Variants in PM20D2 observed in about 807,000 individuals in gnomAD.
The protein encoded by PM20D2 is peptidase M20 domain containing 2.
In PM20D2, 33 loss-of-function variants were observed where a neutral mutation model predicts 42.9. The ratio of observed to expected loss-of-function variants is 0.77; its 90% CI spans 0.58 to 1.03. PM20D2 has a LOEUF of 1.03. PM20D2 is among the 50% of genes least tolerant of loss of function. PM20D2 has a pLI of 0.00. For synonymous variants in PM20D2, 250 were observed against 228.2 expected, an observed-to-expected ratio of 1.10 and a Z score of -0.86; for missense variants, 548 against 557.0, an observed-to-expected ratio of 0.98 and a Z score of 0.16.
the PM20D2 span, among the ~76,000 whole-genome samples, chr6:89,124,032 G>T: frequency 1.1e-3 from 175 of 152,278 alleles, no homozygotes; most frequent in African/African-American, 3.5e-3. Flanking sequence ...GCAAGATCAT[G>T]TCTCAAAATA....
intron 3 of PM20D2, among the ~76,000 whole-genome samples, chr6:89,154,366 G>A (rs1770959599): frequency 6.6e-6 from 1 of 152,008 alleles, no homozygotes; most frequent in Non-Finnish European, 1.5e-5. Context: ...TGAGGTATGA[G>A]GGTAATTATA....
chr6:89,104,261 G>A, the PM20D2 span, among the ~76,000 whole-genome samples: 1 of 145,754 alleles, frequency 6.9e-6, no homozygotes, highest in Non-Finnish European at 1.5e-5. Flanking sequence ...TTTTGAGACG[G>A]AGTCTCGCTC....
intron 2 of PM20D2, among the ~76,000 whole-genome samples, chr6:89,151,820 G>GC: frequency 6.6e-6 from 1 of 152,158 alleles, no homozygotes; most frequent in South Asian, 2.1e-4. Flanking sequence ...AGGCCAGGTG[G>GC]CTCACACCTG....
chr6:89,154,245 G>C (rs1770954925), intron 3 of PM20D2, among the ~76,000 whole-genome samples: 1 of 152,000 alleles, frequency 6.6e-6, no homozygotes, highest in South Asian at 2.1e-4. Flanking sequence ...AAATACATTT[G>C]TTTTGACAGT....
chr6:89,104,637 C>T, the PM20D2 span, among the ~76,000 whole-genome samples: 1 of 151,782 alleles, frequency 6.6e-6, no homozygotes, highest in African/African-American at 2.4e-5. Flanking sequence ...AGAATTAATC[C>T]CATAAACCCA....
At chr6:89,124,736 GTTTTT>G in the PM20D2 span, among the ~76,000 whole-genome samples, 5 of 108,436 alleles carry the variant, frequency 4.6e-5, no homozygotes, top group Admixed American at 2.2e-4. Flanking sequence ...TGCTGTTGTT[GTTTTT>G]TTTTTTTTTT....
At chr6:89,105,485 A>G in the PM20D2 span, 1 of 1,611,984 alleles carries the variant, frequency 6.2e-7, no homozygotes, top group Non-Finnish European at 8.5e-7. Context: ...CCCACTTTCT[A>G]TTGAGGTTAT....
chr6:89,162,014 C>T (rs1582355967), intron 6 of PM20D2, 95 bp from the exon 7 acceptor site: 2 of 1,495,088 alleles, frequency 1.3e-6, no homozygotes, highest in East Asian at 4.5e-5. Context: ...CTGTGGTGGG[C>T]AGTTGGAGAG....
intron 2 of PM20D2, among the ~76,000 whole-genome samples, chr6:89,151,709 G>C (rs998058045): frequency 2.0e-5 from 3 of 152,110 alleles, no homozygotes; most frequent in Non-Finnish European, 4.4e-5. Flanking sequence ...ATATTGTTCT[G>C]GCTTTTTAAA....
the PM20D2 span, among the ~76,000 whole-genome samples, chr6:89,133,090 A>T: frequency 2.7e-5 from 4 of 148,882 alleles, no homozygotes; most frequent in Admixed American, 1.3e-4. Flanking sequence ...TTAGCCAGGC[A>T]TGGTGATGCA....
the PM20D2 span, chr6:89,099,065 TA>T: frequency 4.0e-6 from 5 of 1,238,786 alleles, no homozygotes; most frequent in Non-Finnish European, 5.4e-6. Context: ...CTAGATAAGC[TA>T]AAAAAATTTC....
the PM20D2 span, among the ~76,000 whole-genome samples, chr6:89,110,344 T>C: frequency 2.6e-5 from 4 of 152,114 alleles, no homozygotes; most frequent in African/African-American, 2.4e-5. Flanking sequence ...CTCAAGTGCA[T>C]TGGTTACAGA....
the PM20D2 span, chr6:89,105,209 T>C: frequency 1.9e-6 from 3 of 1,612,512 alleles, no homozygotes; most frequent in Non-Finnish European, 1.7e-6. Context: ...TGATCTCCTG[T>C]GATCACTTGG....
At chr6:89,103,153 G>A in the PM20D2 span, among the ~76,000 whole-genome samples, 2 of 152,130 alleles carry the variant, frequency 1.3e-5, no homozygotes, top group Non-Finnish European at 2.9e-5. Context: ...GCATTGCCCT[G>A]AAAGATGTGG....
chr6:89,137,737 G>T, the PM20D2 span, among the ~76,000 whole-genome samples: 1 of 152,110 alleles, frequency 6.6e-6, no homozygotes, highest in African/African-American at 2.4e-5. Context: ...CCAGACTACA[G>T]CAATATGAAA....
chr6:89,118,689 A>C, the PM20D2 span, among the ~76,000 whole-genome samples: 1 of 152,124 alleles, frequency 6.6e-6, no homozygotes, highest in Non-Finnish European at 1.5e-5. Flanking sequence ...CTGTGAGTAC[A>C]TTCATTCAGA....
chr6:89,164,838 G>C lies in PM20D2; in HGVS notation c.*2575G>C, dbSNP rs147781131. 2.0e-3 allele frequency: 305 copies of C among 149,128 alleles called. No homozygotes were observed. Among genetic ancestry groups the C allele is most frequent in the Non-Finnish European group, 3.5e-3 (239 of 67,544 alleles). 9.2% of individuals were successfully genotyped at this position (149,128 alleles called of 1,614,324 possible). Reference sequence around the variant, plus strand: ...AAAAGTGTGCTCAACTTTTTTACAAGAGTGATATTAACTTGGATTTATTTT... The same window carrying C: ...AAAAGTGTGCTCAACTTTTTTACAACAGTGATATTAACTTGGATTTATTTT... On this transcript the variant is annotated 3_prime_UTR_variant, in exon 7 of 7. Coordinates refer to ENST00000275072, the MANE Select transcript of PM20D2 (RefSeq NM_001010853.3).
At chr6:89,147,977 CTCTTT>C (rs1418028180) in intron 1 of PM20D2, among the ~76,000 whole-genome samples, 2 of 116,050 alleles carry the variant, frequency 1.7e-5, no homozygotes, top group South Asian at 3.1e-4. Flanking sequence ...GAAATGTACA[CTCTTT>C]TTTTTTTTTT....
the PM20D2 span, among the ~76,000 whole-genome samples, chr6:89,115,524 C>T: frequency 4.6e-5 from 7 of 151,202 alleles, no homozygotes; most frequent in South Asian, 6.3e-4. Flanking sequence ...TCAAGTGATC[C>T]GCCGAACTCG....
Sources: allele counts gnomAD v4.1 joint callset (sites outside exome capture counted in the v4.1 genomes callset), GRCh38; gene constraint gnomAD v4.1.1; transcripts MANE v1.5; gene names NCBI Gene and HGNC (gene_info 2026-07-23, HGNC 2026-07-21).